ENTREP2: variants seen among roughly 807,000 people sequenced by gnomAD.
The protein encoded by ENTREP2 is endosomal transmembrane epsin interactor 2.
chr15:29,491,971 A>G, the ENTREP2 span, among the ~76,000 whole-genome samples: 20 of 152,162 alleles, frequency 1.3e-4, no homozygotes, highest in African/African-American at 4.6e-4. Context: ...TCAAACACTC[A>G]GGATGTCAAA....
At chr15:29,332,577 A>T in the ENTREP2 span, among the ~76,000 whole-genome samples, 20 of 152,356 alleles carry the variant, frequency 1.3e-4, no homozygotes, top group African/African-American at 4.6e-4. Context: ...AGAAGCAAGC[A>T]TGCTAGCAGC....
the ENTREP2 span, among the ~76,000 whole-genome samples, chr15:29,661,609 G>C: frequency 1.3e-5 from 2 of 152,120 alleles, no homozygotes; most frequent in African/African-American, 2.4e-5. Context: ...ACAAAAAAGA[G>C]GTATGTAACA....
chr15:29,252,276 C>A, the ENTREP2 span: 1 of 720,428 alleles, frequency 1.4e-6, no homozygotes, highest in Middle Eastern at 2.4e-4. Flanking sequence ...TACATGAGAA[C>A]CTAAGAATAC....
chr15:29,498,966 C>T, the ENTREP2 span, among the ~76,000 whole-genome samples: 1 of 152,034 alleles, frequency 6.6e-6, no homozygotes, highest in Non-Finnish European at 1.5e-5. Flanking sequence ...AATATAGCTA[C>T]CCCTGCTCTC....
At chr15:29,548,190 C>G in the ENTREP2 span, among the ~76,000 whole-genome samples, 1 of 152,064 alleles carries the variant, frequency 6.6e-6, no homozygotes, top group Non-Finnish European at 1.5e-5. Context: ...CCGGGTGGCT[C>G]ACATCTGTAG....
At chr15:29,189,972 T>G in the ENTREP2 span, among the ~76,000 whole-genome samples, 1 of 152,244 alleles carries the variant, frequency 6.6e-6, no homozygotes, top group East Asian at 1.9e-4. Context: ...AGGCAGATAC[T>G]GAAATCCTAA....
At chr15:29,459,506 C>A in the ENTREP2 span, among the ~76,000 whole-genome samples, 1 of 152,218 alleles carries the variant, frequency 6.6e-6, no homozygotes, top group African/African-American at 2.4e-5. Context: ...CCAGTCTTCA[C>A]AGGTACAGTA....
At chr15:29,233,789 G>A in the ENTREP2 span, 3 of 1,553,308 alleles carry the variant, frequency 1.9e-6, no homozygotes, top group Non-Finnish European at 2.7e-6. Flanking sequence ...GTGTCCAGAT[G>A]CCTCAACAGA....
chr15:29,416,536 T>A, the ENTREP2 span, among the ~76,000 whole-genome samples: 1 of 152,082 alleles, frequency 6.6e-6, no homozygotes, highest in Non-Finnish European at 1.5e-5. Context: ...CCTAAAACCA[T>A]AAAAACCCTA....
chr15:29,658,581 T>C, the ENTREP2 span, among the ~76,000 whole-genome samples: 292 of 152,250 alleles, frequency 1.9e-3, no homozygotes, highest in African/African-American at 6.7e-3. Context: ...TCAAATCTCA[T>C]AGAATTCTAT....
the ENTREP2 span, among the ~76,000 whole-genome samples, chr15:29,179,612 G>C: frequency 3.7e-4 from 55 of 148,830 alleles, no homozygotes; most frequent in African/African-American, 1.3e-3. Context: ...ACGGAGTCTC[G>C]CTCTGTTGCC....
the ENTREP2 span, among the ~76,000 whole-genome samples, chr15:29,494,349 C>T: frequency 3.9e-5 from 6 of 152,076 alleles, no homozygotes; most frequent in Admixed American, 6.6e-5. Context: ...TGCCAAAATA[C>T]GTTAAAATGT....
At chr15:29,265,285 T>C in the ENTREP2 span, 1 of 152,110 alleles carries the variant, frequency 6.6e-6, no homozygotes, top group Admixed American at 6.5e-5. Flanking sequence ...TTTCAGCCAA[T>C]GCAAAAAAGA....
the ENTREP2 span, chr15:29,137,072 G>T: frequency 1.9e-5 from 27 of 1,457,928 alleles, no homozygotes; most frequent in Non-Finnish European, 2.3e-5. Flanking sequence ...TGTACTCTGG[G>T]GGGTAATAGG....
At chr15:29,209,284 C>T in the ENTREP2 span, among the ~76,000 whole-genome samples, 1 of 152,082 alleles carries the variant, frequency 6.6e-6, no homozygotes. Context: ...GGCAGACTGC[C>T]TGAGGTCAGG....
the ENTREP2 span, among the ~76,000 whole-genome samples, chr15:29,221,010 G>C: frequency 3.3e-5 from 5 of 152,088 alleles, no homozygotes; most frequent in Admixed American, 1.3e-4. Flanking sequence ...GAGGGAGAGA[G>C]AGACAGGATG....
At chr15:29,419,088 A>C in the ENTREP2 span, among the ~76,000 whole-genome samples, 1 of 152,234 alleles carries the variant, frequency 6.6e-6, no homozygotes, top group East Asian at 1.9e-4. Flanking sequence ...AACAACAGCA[A>C]GACTGAAGCT....
chr15:29,571,319 C>T, the ENTREP2 span, among the ~76,000 whole-genome samples: 1 of 152,162 alleles, frequency 6.6e-6, no homozygotes, highest in African/African-American at 2.4e-5. Context: ...CCGATAGCGG[C>T]AGCGGGCCAG....
chr15:29,216,042 T>C, the ENTREP2 span, among the ~76,000 whole-genome samples: 1 of 152,210 alleles, frequency 6.6e-6, no homozygotes, highest in African/African-American at 2.4e-5. Context: ...TTTTAACTTG[T>C]ATTTTTGTTT....
Sources: allele counts gnomAD v4.1 joint callset (sites outside exome capture counted in the v4.1 genomes callset), GRCh38; gene constraint gnomAD v4.1.1; transcripts MANE v1.5; gene names NCBI Gene and HGNC (gene_info 2026-07-23, HGNC 2026-07-21).